Variants in SNX29 observed in about 807,000 individuals in gnomAD.
The protein encoded by SNX29 is sorting nexin 29.
In SNX29, 78 loss-of-function variants were observed where a neutral mutation model predicts 102.1. That is an observed-to-expected ratio of 0.76 (90% confidence interval 0.64 to 0.92). SNX29 has a LOEUF of 0.92. SNX29 is among the 40% of genes least tolerant of loss of function. The pLI, the probability that SNX29 is intolerant of heterozygous loss-of-function variation, is 0.00. For synonymous variants in SNX29, 580 were observed against 414.5 expected (o/e 1.40, Z -4.85); for missense variants, 1,280 against 1,061.7 (o/e 1.21, Z -2.86).
chr16:12,349,474 CCCAAATT>C, intron 15 of SNX29, among the ~76,000 whole-genome samples: 1 of 152,342 alleles, frequency 6.6e-6, no homozygotes, highest in Middle Eastern at 3.4e-3. Flanking sequence ...ATCCCAAAAT[CCCAAATT>C]CAAAATATTC....
chr16:12,562,638 C>T (rs758551372), intron 20 of SNX29, among the ~76,000 whole-genome samples: 1 of 152,150 alleles, frequency 6.6e-6, no homozygotes, highest in Non-Finnish European at 1.5e-5. Context: ...CAGGGTCTTC[C>T]CTGAGGGGCT....
At chr16:12,002,866 C>T in intron 2 of SNX29, 125 bp from the exon 3 acceptor site, 2 of 1,025,640 alleles carry the variant, frequency 1.9e-6, no homozygotes, top group South Asian at 2.8e-5. Flanking sequence ...GACGTCCTCA[C>T]TTGGCATGCA....
intron 20 of SNX29, among the ~76,000 whole-genome samples, chr16:12,550,707 C>G (rs1460085656): frequency 1.3e-5 from 2 of 152,116 alleles, no homozygotes; most frequent in Non-Finnish European, 2.9e-5. Context: ...CCCCCTCATG[C>G]TCTTATTCTA....
chr16:11,996,671 C>T (rs2056085890), intron 1 of SNX29, among the ~76,000 whole-genome samples: 1 of 152,170 alleles, frequency 6.6e-6, no homozygotes, highest in Non-Finnish European at 1.5e-5. Context: ...CTCACTCATA[C>T]TTGGAAAAAG....
Position 12,013,500 on chromosome 16 carries a change from A to AAAAAAAAATATATAT in SNX29, c.122+10458_122+10459insAAAAAAATATATATA. Among the ~76,000 whole-genome samples the AAAAAAAAATATATAT allele has an allele frequency of 1.6e-4, 5 of 31,628 alleles. 1 individual carries two copies. Among genetic ancestry groups the AAAAAAAAATATATAT allele is most frequent in the African/African-American group, 2.9e-4 (3 of 10,208 alleles). 20.7% of individuals were successfully genotyped at this position (31,628 alleles called of 152,430 possible). ...GTCTCTACTGGGGGAAAAAAAAAAA[A>AAAAAAAAATATATAT]ATATATATATATATATATATATATA... On this transcript the variant is annotated intron_variant, in intron 3 of 20. Coordinates refer to ENST00000566228, the MANE Select transcript of SNX29 (RefSeq NM_032167.5).
At chr16:12,250,246 C>T (rs913457408) in intron 14 of SNX29, among the ~76,000 whole-genome samples, 7 of 152,336 alleles carry the variant, frequency 4.6e-5, no homozygotes, top group Admixed American at 4.6e-4. Context: ...CATAGAAACA[C>T]ACAGAAGGTA....
At chr16:12,255,558 A>T (rs910960242) in intron 14 of SNX29, among the ~76,000 whole-genome samples, 1 of 151,692 alleles carries the variant, frequency 6.6e-6, no homozygotes, top group Non-Finnish European at 1.5e-5. Flanking sequence ...CCCGACCCCA[A>T]CCTCTGGTAA....
chr16:12,034,429 A>C (rs954295607), intron 4 of SNX29, among the ~76,000 whole-genome samples: 1 of 152,208 alleles, frequency 6.6e-6, no homozygotes, highest in Non-Finnish European at 1.5e-5. Flanking sequence ...GCAGAGCTCC[A>C]TTCAAGGTGA....
intron 20 of SNX29, among the ~76,000 whole-genome samples, chr16:12,553,525 G>A (rs1242984411): frequency 1.3e-5 from 2 of 152,202 alleles, no homozygotes; most frequent in African/African-American, 4.8e-5. Flanking sequence ...AGTGCTGGAG[G>A]AGGGACCCCA....
At chr16:12,501,602 G>A (rs1337388582) in intron 19 of SNX29, among the ~76,000 whole-genome samples, 3 of 151,630 alleles carry the variant, frequency 2.0e-5, no homozygotes, top group South Asian at 4.2e-4. Flanking sequence ...CATGCCTGTA[G>A]TCCCAGCTAC....
intron 5 of SNX29, 115 bp downstream of exon 5, chr16:12,043,192 C>T: frequency 7.7e-7 from 1 of 1,303,414 alleles, no homozygotes; most frequent in Middle Eastern, 2.5e-4. Context: ...GGAAGTGGGC[C>T]TCCCTCTGAC....
Position 12,505,965 on chromosome 16 carries a change from T to C in SNX29, c.2179-18737T>C, listed in dbSNP as rs80038446. 1.2e-3 allele frequency among the ~76,000 whole-genome samples: 190 copies of C among 152,210 alleles called. 1 individual carries two copies. Among genetic ancestry groups the C allele is most frequent in the African/African-American group, 4.3e-3 (180 of 41,526 alleles). On this transcript the variant is annotated intron_variant, in intron 19 of 20. Transcript: ENST00000566228. ...ATAGAGTACAGGTTTCAGATTTCATTTGTTTGTTTGTTTGAGACAGAGTCT... is the reference window on the plus strand; with the variant it reads ...ATAGAGTACAGGTTTCAGATTTCATCTGTTTGTTTGTTTGAGACAGAGTCT...
At chr16:12,532,080 G>C (rs2076947270) in intron 20 of SNX29, among the ~76,000 whole-genome samples, 1 of 152,210 alleles carries the variant, frequency 6.6e-6, no homozygotes, top group South Asian at 2.1e-4. Flanking sequence ...AACCAGGACA[G>C]GAACATGTGG....
chr16:12,510,493 C>T (rs1434285599), intron 19 of SNX29, among the ~76,000 whole-genome samples: 2 of 151,906 alleles, frequency 1.3e-5, no homozygotes, highest in Non-Finnish European at 2.9e-5. Flanking sequence ...ACCAACATGG[C>T]GAAACCCTGT....
chr16:12,070,139 A>T (rs1356625827), intron 10 of SNX29, among the ~76,000 whole-genome samples: 1 of 152,208 alleles, frequency 6.6e-6, no homozygotes, highest in East Asian at 1.9e-4. Context: ...TTTTTCAAAT[A>T]AAGTATCTCA....
chr16:12,057,560 G>A (rs557216861), intron 8 of SNX29, among the ~76,000 whole-genome samples: 6 of 152,282 alleles, frequency 3.9e-5, no homozygotes, highest in Non-Finnish European at 8.8e-5. Context: ...AAGCAGCCCA[G>A]AGAACATACC....
chr16:12,545,000 G>A (rs760140028), intron 20 of SNX29, among the ~76,000 whole-genome samples: 7 of 152,322 alleles, frequency 4.6e-5, no homozygotes, highest in Middle Eastern at 3.4e-3. Context: ...AGGTGGCACA[G>A]CTAGGAAGCA....
chr16:12,565,348 C>T (rs567855622), intron 20 of SNX29, among the ~76,000 whole-genome samples: 11 of 152,322 alleles, frequency 7.2e-5, no homozygotes, highest in African/African-American at 1.4e-4. Flanking sequence ...CCATCTGTCA[C>T]GCACTCACTG....
At chr16:12,158,782 T>G (rs1597071680) in intron 13 of SNX29, among the ~76,000 whole-genome samples, 1 of 152,220 alleles carries the variant, frequency 6.6e-6, no homozygotes, top group African/African-American at 2.4e-5. Flanking sequence ...TGAGCCTGTT[T>G]CCTTATTTGT....
Sources: gnomAD v4.1 joint callset for allele counts (sites outside exome capture counted in the v4.1 genomes callset) on GRCh38, gnomAD v4.1.1 for gene constraint, MANE v1.5 for transcripts, NCBI Gene and HGNC (gene_info 2026-07-23, HGNC 2026-07-21) for gene names.